Variants in ADCY7 observed in about 807,000 individuals in gnomAD.
The protein encoded by ADCY7 is adenylate cyclase 7.
In ADCY7, 72 loss-of-function variants were observed where a neutral mutation model predicts 120.6. The observed-to-expected ratio is 0.60, with a 90% CI of 0.49 to 0.73. The LOEUF is 0.73. ADCY7 is among the 30% of genes least tolerant of loss of function. The pLI is 0.00. For synonymous variants in ADCY7, 661 were observed against 628.0 expected, an observed-to-expected ratio of 1.05 and a Z score of -0.78; for missense variants, 1,227 against 1,486.0, an observed-to-expected ratio of 0.83 and a Z score of 2.87.
chr16:50,315,154 G>A lies in ADCY7; in HGVS notation c.3096+16G>A. On this transcript the variant is annotated intron_variant, in intron 25 of 25. Transcript: ENST00000673801. ...GAAAATCCAGGTAAAGACCTATTGGGGAAGCAGTTGACTAAGGGGAAAAGA... is the reference window on the plus strand; with the variant it reads ...GAAAATCCAGGTAAAGACCTATTGGAGAAGCAGTTGACTAAGGGGAAAAGA... 6.2e-7 allele frequency: 1 copy of A among 1,613,600 alleles called. No homozygotes were observed. Among genetic ancestry groups the A allele is most frequent in the Non-Finnish European group, 8.5e-7 (1 of 1,179,682 alleles).
At position 50,308,744 on chromosome 16, in the gene ADCY7, G is replaced by T; in HGVS notation, c.2013G>T (p.Leu671=). The T allele has an allele frequency of 6.2e-7, 1 of 1,613,366 alleles. No homozygotes were observed. ...CACAGCCCCTGCTGAGGCTGACCCTGGCCGTCCTGACCATCGGCAGCCTGC... is the reference window on the plus strand; with the variant it reads ...CACAGCCCCTGCTGAGGCTGACCCTTGCCGTCCTGACCATCGGCAGCCTGC... ...VETQPLLRLT[L]AVLTIGSLLT... Residue 671 remains leucine, a synonymous_variant, in exon 17 of 26, where the codon CTG becomes CTT. Transcript: ENST00000673801.
chr16:50,280,385 AAAAC>A (rs1486187151), intron 1 of ADCY7, among the ~76,000 whole-genome samples: 39 of 151,312 alleles, frequency 2.6e-4, no homozygotes, highest in African/African-American at 8.9e-4. Context: ...AAAAAAAAAA[AAAAC>A]AACTCCTGGA....
rs368187296 is a variant in ADCY7 at position 50,301,105 on chromosome 16, C to T, written c.1259C>T (p.Thr420Met). 22 of 1,613,768 alleles carry T rather than the reference C, an allele frequency of 1.4e-5. No homozygotes were observed. Among genetic ancestry groups the T allele is most frequent in the Non-Finnish European group, 1.7e-5 (20 of 1,179,916 alleles). ...AGCCGGGTGCACATCACGGAGGCCA[C>T]GCTAAAGCACCTGGACAAGGCGTAC... Reference protein sequence around the residue: ...VPGRVHITEATLKHLDKAYEV... With the variant: ...VPGRVHITEAMLKHLDKAYEV... The change falls in exon 10 of 26, where the codon ACG (threonine) becomes ATG (methionine). Residue 420 changes from threonine (T) to methionine (M), a missense_variant. Physicochemically the swap from Thr to Met is moderately conservative, Grantham distance 81 (BLOSUM62 -1). Transcript: ENST00000673801.
intron 1 of ADCY7, among the ~76,000 whole-genome samples, chr16:50,270,815 C>G (rs982984451): frequency 6.6e-6 from 1 of 152,188 alleles, no homozygotes; most frequent in Non-Finnish European, 1.5e-5. Flanking sequence ...GGGTGAAAAC[C>G]CTTCCCAGGC....
chr16:50,309,035 A>G (rs1326712359), intron 17 of ADCY7: 2 of 440,172 alleles, frequency 4.5e-6, no homozygotes, highest in Non-Finnish European at 8.1e-6. Flanking sequence ...TTGAGCCACC[A>G]CATCCTGACA....
intron 1 of ADCY7, among the ~76,000 whole-genome samples, chr16:50,253,575 C>A (rs773271837): frequency 1.6e-4 from 24 of 152,164 alleles, no homozygotes; most frequent in Non-Finnish European, 3.4e-4. Flanking sequence ...CGTTTCTTAC[C>A]TTTGTGGTGC....
At chr16:50,290,380 G>A (rs191610568) in intron 2 of ADCY7, 77 bp from the exon 3 acceptor site, 18 of 1,532,156 alleles carry the variant, frequency 1.2e-5, no homozygotes, top group East Asian at 2.3e-5. Flanking sequence ...TGAGGCAGCC[G>A]GCCCGGCAGG....
upstream of ADCY7, among the ~76,000 whole-genome samples, chr16:50,262,650 C>T (rs1002734541): frequency 1.3e-5 from 2 of 152,168 alleles, no homozygotes; most frequent in Non-Finnish European, 2.9e-5. Context: ...AGCTTTATGC[C>T]ATGCCTTTGA....
chr16:50,291,106 C>T (rs1390141954), intron 3 of ADCY7, among the ~76,000 whole-genome samples: 1 of 152,100 alleles, frequency 6.6e-6, no homozygotes, highest in South Asian at 2.1e-4. Context: ...TCTCAACCAG[C>T]TCGACCTGCA....
intron 7 of ADCY7, among the ~76,000 whole-genome samples, chr16:50,295,321 G>C (rs1377259982): frequency 2.7e-5 from 4 of 146,274 alleles, no homozygotes; most frequent in Non-Finnish European, 6.0e-5. Context: ...TGGGACTACA[G>C]GCATGCACCA....
upstream of ADCY7, among the ~76,000 whole-genome samples, chr16:50,265,779 C>A (rs955218452): frequency 4.6e-5 from 7 of 152,206 alleles, no homozygotes; most frequent in East Asian, 1.2e-3. Context: ...CCCTGAGGAC[C>A]AGGTGCTGCT....
At chr16:50,302,922 C>T (rs376445535) in intron 10 of ADCY7, among the ~76,000 whole-genome samples, 2 of 152,230 alleles carry the variant, frequency 1.3e-5, no homozygotes, top group African/African-American at 2.4e-5. Context: ...TGCCTTACGC[C>T]ATTGCTGTGT....
At chr16:50,307,194 G>A in intron 15 of ADCY7, 47 bp downstream of exon 15, 1 of 1,564,600 alleles carries the variant, frequency 6.4e-7, no homozygotes, top group Non-Finnish European at 8.7e-7. Flanking sequence ...TGGGATCCAG[G>A]CTGGAAGGTG....
At chr16:50,299,372 G>A (rs962233789) in intron 8 of ADCY7, among the ~76,000 whole-genome samples, 11 of 152,238 alleles carry the variant, frequency 7.2e-5, no homozygotes, top group Non-Finnish European at 1.2e-4. Flanking sequence ...GGACCTTTCC[G>A]ACCCAGGGGT....
chr16:50,288,838 A>T (rs770060465), intron 2 of ADCY7, among the ~76,000 whole-genome samples: 25 of 151,920 alleles, frequency 1.6e-4, no homozygotes, highest in Non-Finnish European at 2.2e-4. Context: ...ATTTAAAAAA[A>T]TTTTTTTTGA....
At chr16:50,254,654 T>C (rs2032857275) in intron 1 of ADCY7, among the ~76,000 whole-genome samples, 1 of 152,204 alleles carries the variant, frequency 6.6e-6, no homozygotes, top group Non-Finnish European at 1.5e-5. Flanking sequence ...TTTATCCATG[T>C]TCATGGATTG....
chr16:50,309,606 C>T lies in ADCY7; in HGVS notation c.2120C>T (p.Ala707Val). The T allele has an allele frequency of 6.2e-7, 1 of 1,612,938 alleles. No individual in the cohort carries two copies. The highest frequency in any genetic ancestry group is 1.3e-5 in the African/African-American group (1 of 75,070). ...GTTGGCAATGAGACAGGCCTACTGG[C>T]CGCGAGCAGCAAGACAAGAGCCCTG... ...LPVGNETGLL[A>V]ASSKTRALCE... is the part of the protein sequence containing the mutation. The change falls in exon 18 of 26, where the codon GCC becomes GTC. Residue 707 changes from alanine to valine, a missense_variant. Ala to Val is a moderately conservative substitution (Grantham distance 64). Around this residue, in one of 5 missense-constraint regions of ADCY7, gnomAD observed 267 missense variants for 270.0 expected, o/e 0.99. Coordinates refer to ENST00000673801, the MANE Select transcript of ADCY7 (RefSeq NM_001114.5).
upstream of ADCY7, among the ~76,000 whole-genome samples, chr16:50,261,899 A>C (rs192602056): frequency 6.6e-6 from 1 of 152,216 alleles, no homozygotes; most frequent in East Asian, 1.9e-4. Flanking sequence ...ACCTTAGGGG[A>C]AGGAAGAGGT....
At position 50,308,479 on chromosome 16, in the gene ADCY7, C is replaced by T. The variant is rs2151069729; in HGVS notation, c.1935+68C>T. The T allele has an allele frequency of 2.5e-6, 4 of 1,603,730 alleles. No individual in the cohort carries two copies. In the East Asian group the frequency reaches 6.7e-5, roughly 27 times the overall value. ...TCAGGACACCTGCCTAGGAGCCCTC[C>T]CTGGTGAGCTTGGCTGGGCTGAGCC... On this transcript the variant is annotated intron_variant, in intron 16 of 25. Coordinates refer to ENST00000673801, the MANE Select transcript of ADCY7 (RefSeq NM_001114.5).
Sources: allele counts gnomAD v4.1 joint callset (sites outside exome capture counted in the v4.1 genomes callset), GRCh38; gene constraint gnomAD v4.1.1; regional missense constraint gnomAD v4.1.1; transcripts MANE v1.5; gene names NCBI Gene and HGNC (gene_info 2026-07-23, HGNC 2026-07-21).